WLS: variants seen among roughly 807,000 people sequenced by gnomAD.
WLS encodes Wnt ligand secretion mediator.
WLS carries 23 observed loss-of-function variants against 62.8 expected under a neutral mutation model. The ratio of observed to expected loss-of-function variants is 0.37; its 90% CI spans 0.26 to 0.52. The LOEUF is 0.52. Ranked by LOEUF, WLS falls within the 20% of genes least tolerant of loss-of-function variation. The pLI, the probability that WLS is intolerant of heterozygous loss-of-function variation, is 0.92. For missense variants in WLS, 615 were observed against 697.3 expected (o/e 0.88, Z 1.33); for synonymous variants, 246 against 244.1 (o/e 1.01, Z -0.07).
chr1:68,198,939 C>T (rs181801240), intron 1 of WLS, among the ~76,000 whole-genome samples: 6 of 152,322 alleles, frequency 3.9e-5, no homozygotes, highest in African/African-American at 1.4e-4. Context: ...CCTGTTATTT[C>T]ACTTCAAATG....
intron 1 of WLS, among the ~76,000 whole-genome samples, chr1:68,194,749 C>T (rs1416176737): frequency 6.6e-6 from 1 of 152,154 alleles, no homozygotes; most frequent in Non-Finnish European, 1.5e-5. Flanking sequence ...TAAAATTGTA[C>T]AACATTGCTT....
intron 1 of WLS, among the ~76,000 whole-genome samples, chr1:68,207,339 G>A (rs770932363): frequency 6.6e-6 from 1 of 152,238 alleles, no homozygotes; most frequent in East Asian, 1.9e-4. Flanking sequence ...CTATTTTTTA[G>A]GATGATAGAA....
intron 2 of WLS, among the ~76,000 whole-genome samples, chr1:68,170,755 C>A (rs2100539728): frequency 6.6e-6 from 1 of 152,066 alleles, no homozygotes; most frequent in Middle Eastern, 3.4e-3. Context: ...AGCAATATGA[C>A]ACTTATGACA....
chr1:68,106,396 G>C (rs1425303941), intron 11 of WLS, among the ~76,000 whole-genome samples: 1 of 152,146 alleles, frequency 6.6e-6, no homozygotes, highest in African/African-American at 2.4e-5. Context: ...ATTTCCCAGT[G>C]TGTGTGACCT....
At chr1:68,122,217 G>C (rs997578640), downstream of WLS, among the ~76,000 whole-genome samples, 1 of 152,174 alleles carries the variant, frequency 6.6e-6, no homozygotes, top group African/African-American at 2.4e-5. Flanking sequence ...ACTACCATGT[G>C]AACACTGGGA....
intron 1 of WLS, among the ~76,000 whole-genome samples, chr1:68,208,238 T>C (rs1488797871): frequency 1.3e-5 from 2 of 152,250 alleles, no homozygotes; most frequent in African/African-American, 4.8e-5. Flanking sequence ...CAAATTATTA[T>C]AAAATAGTTA....
chr1:68,205,993 AC>A, intron 1 of WLS, among the ~76,000 whole-genome samples: 1 of 152,184 alleles, frequency 6.6e-6, no homozygotes, highest in East Asian at 1.9e-4. Flanking sequence ...TTCTGAAGTG[AC>A]TCAGAGATTC....
intron 1 of WLS, among the ~76,000 whole-genome samples, chr1:68,222,093 C>T (rs1186637784): frequency 2.0e-5 from 3 of 152,238 alleles, no homozygotes; most frequent in South Asian, 2.1e-4. Flanking sequence ...AAACATCCTC[C>T]GAAAGCACAA....
At chr1:68,222,874 C>T (rs968375714) in intron 1 of WLS, among the ~76,000 whole-genome samples, 1 of 122,050 alleles carries the variant, frequency 8.2e-6, no homozygotes, top group Non-Finnish European at 1.6e-5. Context: ...TCATATTGGC[C>T]TAGAATGTAT....
chr1:68,106,716 CTGTGTGTGTGTGTGTGTGTG>C (rs59601112), intron 11 of WLS, among the ~76,000 whole-genome samples: 45,265 of 146,718 alleles, frequency 0.31, 6,951 homozygotes, highest in East Asian at 0.35. Context: ...GTGTTTGTCA[CTGTGTGTGTGTGTGTGTGTG>C]TGTGTGTGTG....
intron 1 of WLS, among the ~76,000 whole-genome samples, chr1:68,224,493 T>G (rs2100666278): frequency 6.6e-6 from 1 of 152,316 alleles, no homozygotes; most frequent in Non-Finnish European, 1.5e-5. Context: ...CCAGGGAACA[T>G]TCAGAGGGCC....
chr1:68,198,170 T>G (rs1323229727), intron 1 of WLS, among the ~76,000 whole-genome samples: 10 of 152,170 alleles, frequency 6.6e-5, no homozygotes, highest in Non-Finnish European at 1.5e-4. Flanking sequence ...AAAAACTACT[T>G]CTACACCAGA....
intron 2 of WLS, among the ~76,000 whole-genome samples, chr1:68,187,692 A>C (rs533397898): frequency 6.6e-6 from 1 of 152,304 alleles, no homozygotes; most frequent in African/African-American, 2.4e-5. Flanking sequence ...AAATGTAAAC[A>C]GGGAGCTTTC....
chr1:68,146,084 C>CA, intron 8 of WLS, 72 bp from the exon 9 acceptor site: 3 of 1,548,712 alleles, frequency 1.9e-6, no homozygotes, highest in South Asian at 2.4e-5. Flanking sequence ...CCCTTCTCCC[C>CA]AGGTCTGTTG....
chr1:68,098,668 A>G, exon 12 of WLS: 3 of 1,614,064 alleles, frequency 1.9e-6, no homozygotes, highest in Non-Finnish European at 2.5e-6. Flanking sequence ...TGATGAAGGA[A>G]TATTTCGAAG....
rs868571918 is a variant in WLS, at chr1:68,146,030, A to G, written c.1135-18T>C. 5.6e-6 allele frequency: 9 copies of G among 1,613,098 alleles called. No individual in the cohort carries two copies. The Middle Eastern group carries it at 5.0e-4, about 89-fold the overall frequency. On this transcript the variant is annotated intron_variant, in intron 8 of 11. Transcript: ENST00000262348. Reference sequence around the variant, plus strand: ...AAGGCCATCTGGTCGTGTCCAGTAAAGGAAACAACGGGCTAGCCAAGGCCA... The same window carrying G: ...AAGGCCATCTGGTCGTGTCCAGTAAGGGAAACAACGGGCTAGCCAAGGCCA...
At chr1:68,123,999 T>A (rs1014224924), downstream of WLS, among the ~76,000 whole-genome samples, 1 of 152,112 alleles carries the variant, frequency 6.6e-6, no homozygotes, top group African/African-American at 2.4e-5. Context: ...CTTTAAGTAG[T>A]GAATCCACTG....
chr1:68,167,993 C>G (rs778571315), intron 2 of WLS, among the ~76,000 whole-genome samples: 4 of 152,160 alleles, frequency 2.6e-5, no homozygotes, highest in Admixed American at 6.5e-5. Context: ...AAGTCTGTCT[C>G]TATACCAGTT....
chr1:68,186,404 A>C (rs1647940109), intron 2 of WLS: 1 of 345,610 alleles, frequency 2.9e-6, no homozygotes, highest in African/African-American at 2.1e-5. Context: ...AACCAGATAT[A>C]TATTATAAAC....
Sources: allele counts gnomAD v4.1 joint callset (sites outside exome capture counted in the v4.1 genomes callset), GRCh38; gene constraint gnomAD v4.1.1; transcripts MANE v1.5; gene names NCBI Gene and HGNC (gene_info 2026-07-23, HGNC 2026-07-21).